LY75: variants seen among roughly 807,000 people sequenced by gnomAD.
LY75 encodes the protein C-type lectin domain family 13 member B.
A neutral mutation model predicts 231.7 loss-of-function variants in LY75; 185 were observed. The ratio of observed to expected loss-of-function variants is 0.80; its 90% CI spans 0.71 to 0.90. The LOEUF is 0.90. LY75 is among the 40% of genes least tolerant of loss of function. The pLI, the probability that LY75 is intolerant of heterozygous loss-of-function variation, is 0.00. For synonymous variants in LY75, 668 were observed against 689.0 expected (o/e 0.97, Z 0.48); for missense variants, 1,947 against 2,050.2 (o/e 0.95, Z 0.97).
chr2:159,882,182 T>G lies in LY75; in HGVS notation c.1188A>C (p.Leu396=). 1 of 1,614,008 alleles carries G rather than the reference T, an allele frequency of 6.2e-7. No individual in the cohort carries two copies. Among genetic ancestry groups the G allele is most frequent in the South Asian group, 1.1e-5 (1 of 91,070 alleles). Residue 396 remains leucine, a synonymous_variant, in exon 7 of 35, where the codon CTA becomes CTC. Transcript: ENST00000263636. ...CATCTGCTAGAGAATGAATGCTGAT[T>G]AGGTCACTACTGAAGGCTTTGCATT... ...HAKCKAFSSD[L]ISIHSLADVE...
chr2:159,835,458 A>G (rs762431754), intron 26 of LY75, 22 bp downstream of exon 26: 5 of 1,568,160 alleles, frequency 3.2e-6, no homozygotes, highest in Non-Finnish European at 4.3e-6. Flanking sequence ...TTTAAGAATT[A>G]AAAGATCTGA....
intron 13 of LY75, among the ~76,000 whole-genome samples, chr2:159,866,105 A>C (rs1684849403): frequency 6.6e-6 from 1 of 152,158 alleles, no homozygotes; most frequent in Non-Finnish European, 1.5e-5. Context: ...TATGCCTGTA[A>C]GTGTAATACA....
intron 27 of LY75, among the ~76,000 whole-genome samples, chr2:159,832,586 G>T (rs183043275): frequency 3.2e-4 from 49 of 151,938 alleles, no homozygotes; most frequent in Admixed American, 2.8e-3. Context: ...AAATTAACAA[G>T]GAAGTTTCAG....
rs529060445 is a variant in LY75 at position 159,810,518 on chromosome 2, T to C, written c.4699+8A>G. On this transcript the variant is annotated splice_region_variant and intron_variant, in intron 32 of 34. Coordinates refer to ENST00000263636, the MANE Select transcript of LY75 (RefSeq NM_002349.4). ...GAGTCATAAGAAAATCAACAAATTT[T>C]AACTCACCATGTTTTGAACACAATT... The C allele has an allele frequency of 1.6e-5, 26 of 1,606,442 alleles. No homozygotes were observed. In the South Asian group the frequency reaches 2.7e-4, roughly 17 times the overall value.
intron 1 of LY75, chr2:159,902,549 A>C (rs933278193): frequency 1.3e-5 from 2 of 152,236 alleles, no homozygotes; most frequent in African/African-American, 2.4e-5. Context: ...ATGGATAGGG[A>C]AATAGCTTGG....
At chr2:159,830,526 T>G (rs561646908) in intron 28 of LY75, among the ~76,000 whole-genome samples, 20 of 152,250 alleles carry the variant, frequency 1.3e-4, no homozygotes, top group Non-Finnish European at 2.5e-4. Flanking sequence ...GGATTGGTGG[T>G]ATTTAGTCCA....
intron 23 of LY75, 114 bp downstream of exon 23, chr2:159,849,865 TG>T: frequency 7.3e-7 from 1 of 1,368,532 alleles, no homozygotes; most frequent in Non-Finnish European, 9.8e-7. Flanking sequence ...GTGCCTATTC[TG>T]GACATTTCAT....
At chr2:159,898,561 T>C (rs1408296625) in intron 2 of LY75, 127 bp downstream of exon 2, 3 of 1,437,586 alleles carry the variant, frequency 2.1e-6, no homozygotes, top group Non-Finnish European at 2.8e-6. Context: ...GCACAGTGCC[T>C]GGAAGTGAAG....
intron 23 of LY75, among the ~76,000 whole-genome samples, chr2:159,849,397 TAG>T (rs1684312507): frequency 6.6e-6 from 1 of 152,162 alleles, no homozygotes; most frequent in Non-Finnish European, 1.5e-5. Context: ...TCCCTATATT[TAG>T]CTCTTGGGGA....
intron 11 of LY75, among the ~76,000 whole-genome samples, chr2:159,878,071 G>A (rs139165677): frequency 6.6e-6 from 1 of 152,122 alleles, no homozygotes; most frequent in East Asian, 1.9e-4. Flanking sequence ...ACTCACACTG[G>A]TGCTTCTAGC....
chr2:159,860,696 G>T, intron 15 of LY75, 125 bp downstream of exon 15: 1 of 1,132,374 alleles, frequency 8.8e-7, no homozygotes, highest in Non-Finnish European at 1.3e-6. Flanking sequence ...CCATGGGTGT[G>T]CTTATCTCTC....
chr2:159,878,806 A>C (rs754984183), intron 9 of LY75, 85 bp from the exon 10 acceptor site: 7 of 1,419,510 alleles, frequency 4.9e-6, no homozygotes, highest in Non-Finnish European at 5.8e-6. Context: ...TACATTGATA[A>C]CGTCTTAGAA....
At chr2:159,879,077 CT>C in intron 9 of LY75, among the ~76,000 whole-genome samples, 181 bp downstream of exon 9, 1 of 152,310 alleles carries the variant, frequency 6.6e-6, no homozygotes, top group Non-Finnish European at 1.5e-5. Context: ...TTTCAAGTTT[CT>C]GCTTCTGTAA....
intron 4 of LY75, among the ~76,000 whole-genome samples, chr2:159,887,581 A>AAAAAAAAAAAAAAAAAAAAAG (rs1685633441): frequency 6.7e-6 from 1 of 149,646 alleles, no homozygotes; most frequent in African/African-American, 2.5e-5. Flanking sequence ...AAAAAAAAAA[A>AAAAAAAAAAAAAAAAAAAAAG]AAAGAAAAAA....
chr2:159,875,745 TA>T (rs901066203), intron 11 of LY75, 102 bp from the exon 12 acceptor site: 6,078 of 1,232,984 alleles, frequency 4.9e-3, no homozygotes, highest in Middle Eastern at 6.7e-3. Context: ...GGAGAGAGAA[TA>T]AAAAAAAAAT....
At chr2:159,833,499 A>C (rs1683728555) in intron 27 of LY75, among the ~76,000 whole-genome samples, 1 of 152,236 alleles carries the variant, frequency 6.6e-6, no homozygotes, top group African/African-American at 2.4e-5. Context: ...GAAAGGAGTT[A>C]TGCCTATACT....
In LY75 at chr2:159,904,616, C is replaced by T; in HGVS notation, c.67G>A (p.Asp23Asn). The change falls in exon 1 of 35, where the codon GAT (aspartate) becomes AAT (asparagine). Residue 23 changes from aspartate (D) to asparagine (N), a missense_variant. Asp to Asn is a conservative substitution (Grantham distance 23). Transcript: ENST00000263636. ...GLLMLLFWFF[D>N]LAEPSGRAAN... is the part of the protein sequence containing the mutation. Reference sequence around the variant, plus strand: ...GCGCGGCCAGAGGGCTCCGCGAGATCGAAGAACCAGAAGAGCAGCATGAGG... The same window carrying T: ...GCGCGGCCAGAGGGCTCCGCGAGATTGAAGAACCAGAAGAGCAGCATGAGG... 6.6e-7 allele frequency: 1 copy of T among 1,509,728 alleles called. No individual in the cohort carries two copies. Among genetic ancestry groups the T allele is most frequent in the Non-Finnish European group, 8.8e-7 (1 of 1,132,802 alleles). 93.5% of individuals were successfully genotyped at this position (1,509,728 alleles called of 1,614,324 possible). A position where few individuals can be genotyped will look rare whatever the true frequency, so the allele number is the denominator to read the frequency against.
intron 29 of LY75, among the ~76,000 whole-genome samples, chr2:159,817,595 C>T (rs957510175): frequency 2.6e-5 from 4 of 151,962 alleles, no homozygotes; most frequent in African/African-American, 9.7e-5. Flanking sequence ...AGATTATAAT[C>T]CAAAGTATAA....
intron 14 of LY75, 96 bp from the exon 15 acceptor site, chr2:159,860,985 G>T: frequency 7.5e-7 from 1 of 1,326,090 alleles, no homozygotes; most frequent in Non-Finnish European, 1.1e-6. Flanking sequence ...CAAGTGCGTT[G>T]ATATGCCACA....
Sources: allele counts gnomAD v4.1 joint callset (sites outside exome capture counted in the v4.1 genomes callset), GRCh38; gene constraint gnomAD v4.1.1; transcripts MANE v1.5; gene names NCBI Gene and HGNC (gene_info 2026-07-23, HGNC 2026-07-21).